RNF220: variants seen among roughly 807,000 people sequenced by gnomAD.
RNF220 encodes the protein E3 ubiquitin-protein ligase RNF220.
Under a neutral mutation model 67.1 loss-of-function variants are expected in RNF220, and 7 were observed. That is an observed-to-expected ratio of 0.10 (90% CI 0.06 to 0.20). The LOEUF (loss-of-function observed/expected upper bound fraction) is 0.20. Ranked by LOEUF, RNF220 falls within the 10% of genes least tolerant of loss-of-function variation. RNF220 has a pLI of 1.00. For missense variants in RNF220, 565 were observed against 740.3 expected, an observed-to-expected ratio of 0.76 and a Z score of 2.75; for synonymous variants, 270 against 283.2, an observed-to-expected ratio of 0.95 and a Z score of 0.47.
At chr1:44,520,782 A>G (rs1659873024) in intron 2 of RNF220, among the ~76,000 whole-genome samples, 1 of 152,238 alleles carries the variant, frequency 6.6e-6, no homozygotes, top group Non-Finnish European at 1.5e-5. Context: ...CTAAGACTGT[A>G]CAAGTTTCTT....
intron 2 of RNF220, among the ~76,000 whole-genome samples, chr1:44,570,806 T>C (rs1039817796): frequency 2.0e-5 from 3 of 152,120 alleles, no homozygotes; most frequent in African/African-American, 7.2e-5. Context: ...GAGTGTGGTG[T>C]CTCACACCTG....
chr1:44,558,834 C>G (rs1484760244), intron 2 of RNF220, among the ~76,000 whole-genome samples: 1 of 152,178 alleles, frequency 6.6e-6, no homozygotes, highest in Admixed American at 6.5e-5. Flanking sequence ...CTGTTTTGGT[C>G]TCTTCTAGGT....
intron 2 of RNF220, among the ~76,000 whole-genome samples, chr1:44,423,528 A>G (rs1429673648): frequency 6.6e-6 from 1 of 152,174 alleles, no homozygotes; most frequent in African/African-American, 2.4e-5. Flanking sequence ...AACATATGCT[A>G]TCTTAACCAC....
chr1:44,643,545 C>T (rs1270194846), intron 8 of RNF220: 1 of 152,098 alleles, frequency 6.6e-6, no homozygotes, highest in African/African-American at 2.4e-5. Context: ...CAGTGGTAAG[C>T]AGAATGAAGG....
rs1648121323 is a variant in RNF220 at position 44,412,933 on chromosome 1, G to T, written c.625+211G>T. Among the ~76,000 whole-genome samples the T allele has an allele frequency of 6.6e-6, 1 of 152,188 alleles. No homozygotes were observed. Among genetic ancestry groups the T allele is most frequent in the South Asian group, 2.1e-4 (1 of 4,828 alleles). ...TTTTTCTGAAAGTAGCCAGAGGCAA[G>T]TTGGCCCCAGCACAGCCTTTCTCTC... is the stretch of plus-strand genomic sequence containing the variant. On this transcript the variant is annotated intron_variant, in intron 2 of 14. Transcript: ENST00000361799. This position sits in a 1 kb window ranked among gnomAD's most constrained non-coding sequence, Gnocchi z 5.3.
chr1:44,428,141 C>G (rs893321033), intron 2 of RNF220, among the ~76,000 whole-genome samples: 1 of 152,112 alleles, frequency 6.6e-6, no homozygotes. Flanking sequence ...TTAAAATACC[C>G]GAAAAGGCAC....
chr1:44,603,282 A>G (rs191324170), intron 2 of RNF220, among the ~76,000 whole-genome samples: 1 of 152,364 alleles, frequency 6.6e-6, no homozygotes, highest in Non-Finnish European at 1.5e-5. Flanking sequence ...TTGCTGGGAA[A>G]AGGTAAACAT....
At position 44,565,591 on chromosome 1, in the gene RNF220, T is replaced by C. The variant is rs1663940522; in HGVS notation, c.626-48574T>C. On this transcript the variant is annotated intron_variant, in intron 2 of 14. Transcript: ENST00000361799. This position sits in a 1 kb window ranked among gnomAD's most constrained non-coding sequence, Gnocchi z 4.2. ...CCCTCAGCCCAGGCAAGGGGGAGGTTGCATGGAGGGCAAGCATGCCCCGCA... is the reference window on the plus strand; with the variant it reads ...CCCTCAGCCCAGGCAAGGGGGAGGTCGCATGGAGGGCAAGCATGCCCCGCA... 6.6e-6 allele frequency among the ~76,000 whole-genome samples: 1 copy of C among 152,176 alleles called. No individual in the cohort carries two copies. Among genetic ancestry groups the C allele is most frequent in the Non-Finnish European group, 1.5e-5 (1 of 68,016 alleles).
chr1:44,475,484 C>T (rs1395868028), intron 2 of RNF220, among the ~76,000 whole-genome samples: 2 of 147,850 alleles, frequency 1.4e-5, no homozygotes, highest in Non-Finnish European at 3.0e-5. Flanking sequence ...GCAGGAGAAT[C>T]ACTTGAACCT....
intron 2 of RNF220, among the ~76,000 whole-genome samples, chr1:44,538,574 C>T (rs1661421497): frequency 6.6e-6 from 1 of 152,154 alleles, no homozygotes; most frequent in Admixed American, 6.5e-5. Context: ...CTTTGTCTGT[C>T]TTAATTTCAC....
At chr1:44,482,567 G>A (rs991280217) in intron 2 of RNF220, among the ~76,000 whole-genome samples, 3 of 152,188 alleles carry the variant, frequency 2.0e-5, no homozygotes, top group Non-Finnish European at 4.4e-5. Flanking sequence ...TTGAGTTCTA[G>A]GGGATCTGAA....
intron 2 of RNF220, among the ~76,000 whole-genome samples, chr1:44,550,634 A>G (rs937143027): frequency 2.6e-5 from 4 of 152,126 alleles, no homozygotes; most frequent in African/African-American, 9.7e-5. Context: ...ACAATACAAA[A>G]TCATGGCAGC....
At chr1:44,590,017 G>A (rs1042253264) in intron 2 of RNF220, among the ~76,000 whole-genome samples, 1 of 152,178 alleles carries the variant, frequency 6.6e-6, no homozygotes, top group African/African-American at 2.4e-5. Flanking sequence ...GAAGGTCATG[G>A]GCCCAAGGCA....
Position 44,481,174 on chromosome 1 carries a change from G to A in RNF220, c.625+68452G>A, listed in dbSNP as rs113872046. 1.6e-4 allele frequency among the ~76,000 whole-genome samples: 24 copies of A among 152,276 alleles called. 1 individual carries two copies. The highest frequency in any genetic ancestry group is 5.5e-4 in the African/African-American group (23 of 41,552). ...GTGGTGGCATACGCCTGTAATCCCA[G>A]CACGTTGAGAGGCTGAGGTGGGAGG... is the stretch of plus-strand genomic sequence containing the variant. On this transcript the variant is annotated intron_variant, in intron 2 of 14. Coordinates refer to ENST00000361799, the MANE Select transcript of RNF220 (RefSeq NM_018150.4).
intron 2 of RNF220, among the ~76,000 whole-genome samples, chr1:44,575,769 A>AG (rs1572926744): frequency 6.6e-6 from 1 of 152,238 alleles, no homozygotes. Flanking sequence ...AAATAGAACT[A>AG]CCTTGCAATT....
intron 2 of RNF220, among the ~76,000 whole-genome samples, chr1:44,470,298 A>G (rs1488616330): frequency 2.0e-5 from 3 of 152,240 alleles, no homozygotes; most frequent in Non-Finnish European, 4.4e-5. Flanking sequence ...GATGAGACAG[A>G]TAACAATGGA....
chr1:44,512,280 A>G (rs1192580318), intron 2 of RNF220, among the ~76,000 whole-genome samples: 1 of 152,182 alleles, frequency 6.6e-6, no homozygotes, highest in East Asian at 1.9e-4. Context: ...CAGGAACCTG[A>G]AGAAGTCAAC....
In RNF220 at chr1:44,631,971, G is replaced by A. The variant is rs757073079; in HGVS notation, c.907-372G>A. The A allele has an allele frequency of 5.3e-4, 532 of 998,744 alleles. 7 individuals carry two copies. Among genetic ancestry groups the A allele is most frequent in the Middle Eastern group, 5.0e-4 (1 of 2,020 alleles). The allele number at this position is 998,744 out of a possible 1,614,324, so 61.9% of individuals were successfully genotyped here. ...GACGGCGGCAGATCACGTGATTAGG[G>A]CCAACATGGCCGCCGCCGCCGCTTG... On this transcript the variant is annotated intron_variant, in intron 5 of 14. Coordinates refer to ENST00000361799, the MANE Select transcript of RNF220 (RefSeq NM_018150.4).
At chr1:44,595,803 G>A (rs746812827) in intron 2 of RNF220, among the ~76,000 whole-genome samples, 5 of 151,242 alleles carry the variant, frequency 3.3e-5, no homozygotes, top group South Asian at 2.1e-4. Context: ...TCGCTCTGTC[G>A]CCCAGGCTGG....
Sources: gnomAD v4.1 joint callset for allele counts (sites outside exome capture counted in the v4.1 genomes callset) on GRCh38, gnomAD v4.1.1 for gene constraint, Gnocchi (gnomAD v3.1) non-coding constraint, MANE v1.5 for transcripts, NCBI Gene and HGNC (gene_info 2026-07-23, HGNC 2026-07-21) for gene names.